The following MYOM2 variants were observed in gnomAD, a reference collection of about 807,000 sequenced individuals.
MYOM2 encodes the protein myomesin-2.
A neutral mutation model predicts 187.6 loss-of-function variants in MYOM2; 254 were observed. That is an observed-to-expected ratio of 1.35 (90% CI 1.22 to 1.50). MYOM2 has a LOEUF of 1.50. Among genes scored for constraint, MYOM2 ranks in the 40% most tolerant of loss-of-function variants. MYOM2 has a pLI of 0.00. For missense variants in MYOM2, 2,796 were observed against 1,924.0 expected, an observed-to-expected ratio of 1.45 and a Z score of -8.48; for synonymous variants, 981 against 753.8, an observed-to-expected ratio of 1.30 and a Z score of -4.94.
intron 19 of MYOM2, among the ~76,000 whole-genome samples, chr8:2,099,612 G>T (rs1480584519): frequency 6.6e-6 from 1 of 152,092 alleles, no homozygotes; most frequent in Non-Finnish European, 1.5e-5. Context: ...TTGAGATGAG[G>T]TCTCTCTATG....
intron 35 of MYOM2, 31 bp from the exon 36 acceptor site, chr8:2,143,369 GT>G (rs1212231698): frequency 6.2e-7 from 1 of 1,614,156 alleles, no homozygotes; most frequent in South Asian, 1.1e-5. Flanking sequence ...TCCCGCAGAT[GT>G]TTTCCTAACC....
Position 2,106,282 on chromosome 8 carries a change from C to CATCT in MYOM2, c.2780_2783dup (p.Gly929SerfsTer18). On this transcript the variant is annotated frameshift_variant, in exon 22 of 37. Transcript: ENST00000262113. LOFTEE classifies it high-confidence loss of function. The stretch of plus-strand genomic sequence containing the variant: ...GTGCTGGTGTCGATGAACAAGGCAA[C>CATCT]ATCTATCTGGGCTTCGACTGCCAGG... 3 of 1,614,180 alleles carry CATCT rather than the reference C, an allele frequency of 1.9e-6. No individual in the cohort carries two copies. The highest frequency in any genetic ancestry group is 2.5e-6 in the Non-Finnish European group (3 of 1,180,036).
At chr8:2,047,914 AGGAC>A (rs1475343740) in intron 1 of MYOM2, among the ~76,000 whole-genome samples, 2 of 152,358 alleles carry the variant, frequency 1.3e-5, no homozygotes, top group East Asian at 3.9e-4. Flanking sequence ...TGCATTGGAC[AGGAC>A]GTTACAGACT....
intron 9 of MYOM2, among the ~76,000 whole-genome samples, 164 bp from the exon 10 acceptor site, chr8:2,073,175 C>T (rs1316786913): frequency 6.6e-6 from 1 of 152,216 alleles, no homozygotes; most frequent in African/African-American, 2.4e-5. Context: ...CGTGTGCTTC[C>T]ACGAAGTGCA....
chr8:2,122,248 A>G (rs1420487739), intron 28 of MYOM2, among the ~76,000 whole-genome samples: 2 of 152,218 alleles, frequency 1.3e-5, no homozygotes. Flanking sequence ...CCATTCTAAG[A>G]TTTGTTATAA....
At chr8:2,132,667 G>T (rs1459558624) in intron 32 of MYOM2, among the ~76,000 whole-genome samples, 2 of 152,080 alleles carry the variant, frequency 1.3e-5, no homozygotes, top group Non-Finnish European at 2.9e-5. Context: ...GCTCACTGTA[G>T]CCCTGATCTC....
At chr8:2,118,835 G>C (rs1797332115) in intron 28 of MYOM2, 1 of 153,052 alleles carries the variant, frequency 6.5e-6, no homozygotes, top group Non-Finnish European at 1.5e-5. Context: ...AGGTGGCAGG[G>C]CTGGAGGACG....
intron 16 of MYOM2, 119 bp downstream of exon 16, chr8:2,092,639 G>A (rs1421911759): frequency 1.0e-5 from 11 of 1,067,122 alleles, no homozygotes; most frequent in Non-Finnish European, 1.5e-5. Flanking sequence ...AAATGAGTCT[G>A]TCTTAGCCAC....
At chr8:2,122,673 A>G (rs746982125) in intron 28 of MYOM2, among the ~76,000 whole-genome samples, 4 of 152,202 alleles carry the variant, frequency 2.6e-5, no homozygotes, top group Non-Finnish European at 5.9e-5. Context: ...CCTCAGACCA[A>G]TGCCGGAGCA....
At chr8:2,126,010 C>G (rs1563073312) in intron 31 of MYOM2, among the ~76,000 whole-genome samples, 1 of 152,086 alleles carries the variant, frequency 6.6e-6, no homozygotes, top group Non-Finnish European at 1.5e-5. Context: ...AAAAATGTGG[C>G]TTTACTCTTA....
chr8:2,079,463 A>C lies in MYOM2; in HGVS notation c.1463-97A>C, dbSNP rs1819546027. The C allele has an allele frequency of 5.1e-6, 6 of 1,182,090 alleles. No homozygotes were observed. The Admixed American group carries it at 1.0e-4, about 20-fold the overall frequency. 73.2% of individuals were successfully genotyped at this position (1,182,090 alleles called of 1,614,324 possible). A position where few individuals can be genotyped will look rare whatever the true frequency, so the allele number is the denominator to read the frequency against. On this transcript the variant is annotated intron_variant, in intron 12 of 36. Coordinates refer to ENST00000262113, the MANE Select transcript of MYOM2 (RefSeq NM_003970.4). ...AGAGGACTCACAGGTTGTAGTCCTA[A>C]TGCAGAGGAGATGCAGAGCTGGCAC...
rs968842836 is a variant in MYOM2 at position 2,093,950 on chromosome 8, C to G, written c.2004-20C>G. On this transcript the variant is annotated intron_variant, in intron 16 of 36. Coordinates refer to ENST00000262113, the MANE Select transcript of MYOM2 (RefSeq NM_003970.4). ...AAAGTGGAGCCTGGCAGTTCTGACC[C>G]TGATCCCTGTGTTTCTCAGGTTCGT... The G allele has an allele frequency of 8.1e-6, 13 of 1,613,418 alleles. No individual in the cohort carries two copies. The highest frequency in any genetic ancestry group is 1.7e-5 in the Admixed American group (1 of 59,942).
chr8:2,059,684 C>T (rs1016336334), intron 6 of MYOM2, among the ~76,000 whole-genome samples: 5 of 151,450 alleles, frequency 3.3e-5, no homozygotes, highest in African/African-American at 1.2e-4. Flanking sequence ...ATCCAGCACC[C>T]AGGGTCAGTA....
In MYOM2 at chr8:2,052,176, A is replaced by G. The variant is rs761316127; in HGVS notation, c.126A>G (p.Ala42=). ...YASKKRASTQ[A]SSQKSLSQRS... is the part of the protein sequence containing the mutation. ...CCTGAAGGCGAGCTTCCACCCAGGC[A>G]TCTTCCCAGAAGTCCTTGAGTCAGC... The change falls in exon 3 of 37, where the codon GCA becomes GCG. Residue 42 remains alanine (A), a synonymous_variant. Coordinates refer to ENST00000262113, the MANE Select transcript of MYOM2 (RefSeq NM_003970.4). The G allele has an allele frequency of 6.0e-5, 97 of 1,613,446 alleles. No homozygotes were observed. The highest frequency in any genetic ancestry group is 7.9e-5 in the Non-Finnish European group (93 of 1,179,786).
chr8:2,085,229 C>G, intron 13 of MYOM2, 34 bp from the exon 14 acceptor site: 3 of 1,605,756 alleles, frequency 1.9e-6, no homozygotes, highest in Non-Finnish European at 2.6e-6. Flanking sequence ...TGATGGGGGT[C>G]CTTCAGCACT....
chr8:2,117,981 A>C (rs772073845), intron 28 of MYOM2, 29 bp downstream of exon 28: 1 of 1,598,264 alleles, frequency 6.3e-7, no homozygotes, highest in African/African-American at 1.3e-5. Context: ...ACAGGAAAAC[A>C]ATAAATCTCA....
At chr8:2,079,092 C>T (rs538895921) in intron 12 of MYOM2, among the ~76,000 whole-genome samples, 159 bp downstream of exon 12, 1 of 152,286 alleles carries the variant, frequency 6.6e-6, no homozygotes, top group African/African-American at 2.4e-5. Context: ...GACATCTCCA[C>T]CAACATCACT....
intron 18 of MYOM2, chr8:2,097,901 C>A (rs140267386): frequency 6.6e-6 from 1 of 152,238 alleles, no homozygotes; most frequent in African/African-American, 2.4e-5. Flanking sequence ...GCAGGAAGCA[C>A]GAGAACTCGC....
At chr8:2,129,298 A>G in intron 32 of MYOM2, 66 bp downstream of exon 32, 2 of 1,061,848 alleles carry the variant, frequency 1.9e-6, no homozygotes, top group Admixed American at 3.5e-5. Flanking sequence ...CACAGCTGGG[A>G]CCAGGCGCTC....
Sources: gnomAD v4.1 joint callset for allele counts (sites outside exome capture counted in the v4.1 genomes callset) on GRCh38, gnomAD v4.1.1 for gene constraint, MANE v1.5 for transcripts, NCBI Gene and HGNC (gene_info 2026-07-23, HGNC 2026-07-21) for gene names.